The following TMEM268 variants were observed in gnomAD, a reference collection of about 807,000 sequenced individuals.
TMEM268 encodes transmembrane protein 268, also known as transmembrane protein C9orf91.
In TMEM268, 24 loss-of-function variants were observed where a neutral mutation model predicts 39.1. The observed-to-expected ratio is 0.61, with a 90% CI of 0.44 to 0.86. TMEM268 has a LOEUF of 0.86. TMEM268 is among the 40% of genes least tolerant of loss of function. The probability of loss-of-function intolerance (pLI) is 0.00; values close to 1 mark genes in which losing one functional copy is unlikely to be tolerated. For missense variants in TMEM268, 409 were observed against 428.6 expected (o/e 0.95, Z 0.40); for synonymous variants, 176 against 173.5 (o/e 1.01, Z -0.12).
upstream of TMEM268, among the ~76,000 whole-genome samples, chr9:114,609,333 AAACAAACAAAC>A (rs1420646979): frequency 6.6e-6 from 1 of 150,928 alleles, no homozygotes; most frequent in Non-Finnish European, 1.5e-5. Flanking sequence ...ACAAACAAAC[AAACAAACAAAC>A]AAGCATGTAC....
chr9:114,638,818 C>A, intron 8 of TMEM268, 92 bp downstream of exon 8: 1 of 966,028 alleles, frequency 1.0e-6, no homozygotes, highest in Non-Finnish European at 1.4e-6. Context: ...TTCCCCAAGA[C>A]ATGCTTCTCT....
intron 2 of TMEM268, among the ~76,000 whole-genome samples, chr9:114,623,785 A>G (rs1353236817): frequency 6.6e-6 from 1 of 152,062 alleles, no homozygotes; most frequent in Non-Finnish European, 1.5e-5. Context: ...AGGCCAGCTA[A>G]TGAGCCCCCT....
At chr9:114,632,290 C>G (rs1846436095) in intron 5 of TMEM268, among the ~76,000 whole-genome samples, 1 of 152,148 alleles carries the variant, frequency 6.6e-6, no homozygotes, top group African/African-American at 2.4e-5. Flanking sequence ...CAGTGGAAGG[C>G]ATGGGTTCAG....
At chr9:114,617,332 CT>C (rs1267485670) in intron 2 of TMEM268, 31 bp downstream of exon 2, 8 of 1,523,826 alleles carry the variant, frequency 5.2e-6, no homozygotes, top group Non-Finnish European at 6.3e-6. Context: ...TTTCCACCTT[CT>C]TTCTACCTCA....
intron 5 of TMEM268, among the ~76,000 whole-genome samples, chr9:114,632,084 C>T (rs960939109): frequency 2.3e-5 from 3 of 129,968 alleles, no homozygotes; most frequent in South Asian, 2.4e-4. Flanking sequence ...GGTGACAGAG[C>T]GAGACTAGGT....
upstream of TMEM268, among the ~76,000 whole-genome samples, chr9:114,610,053 T>G (rs907764539): frequency 6.6e-6 from 1 of 152,086 alleles, no homozygotes; most frequent in Non-Finnish European, 1.5e-5. Flanking sequence ...TTTTTTTTTT[T>G]TTTGAGATGG....
chr9:114,604,903 G>A, the TMEM268 span, among the ~76,000 whole-genome samples: 2 of 152,190 alleles, frequency 1.3e-5, no homozygotes, highest in Non-Finnish European at 2.9e-5. Flanking sequence ...ATGTCACAGA[G>A]CAAGGAAGTG....
chr9:114,615,338 G>A (rs1024785862), intron 1 of TMEM268: 1 of 152,224 alleles, frequency 6.6e-6, no homozygotes, highest in Non-Finnish European at 1.5e-5. Flanking sequence ...GATCCTTTGC[G>A]GCAACCCTGT....
chr9:114,637,085 G>C lies in TMEM268; in HGVS notation c.666+15G>C. On this transcript the variant is annotated intron_variant, in intron 7 of 8. Transcript: ENST00000288502. Reference sequence around the variant, plus strand: ...CTAGCCAAGAGGTAAGATATCTTCAGTGAAAAAACAAAACAAAAACCAGGA... The same window carrying C: ...CTAGCCAAGAGGTAAGATATCTTCACTGAAAAAACAAAACAAAAACCAGGA... The C allele has an allele frequency of 1.9e-6, 3 of 1,564,496 alleles. No homozygotes were observed. Among genetic ancestry groups the C allele is most frequent in the Non-Finnish European group, 2.6e-6 (3 of 1,136,366 alleles).
chr9:114,606,125 T>C, the TMEM268 span, among the ~76,000 whole-genome samples: 1 of 152,066 alleles, frequency 6.6e-6, no homozygotes, highest in South Asian at 2.1e-4. Flanking sequence ...AAAAGCCCAA[T>C]TGCCTTCAAC....
the TMEM268 span, among the ~76,000 whole-genome samples, chr9:114,605,744 A>T: frequency 6.6e-6 from 1 of 152,066 alleles, no homozygotes; most frequent in Non-Finnish European, 1.5e-5. Flanking sequence ...AACAGGGGGA[A>T]ACCCTGTCTC....
At chr9:114,609,343 A>G (rs1845407836), upstream of TMEM268, among the ~76,000 whole-genome samples, 2 of 138,452 alleles carry the variant, frequency 1.4e-5, no homozygotes, top group South Asian at 4.5e-4. Flanking sequence ...AAACAAACAA[A>G]CAAGCATGTA....
At chr9:114,638,322 A>C (rs1024081501) in intron 7 of TMEM268, among the ~76,000 whole-genome samples, 1 of 152,222 alleles carries the variant, frequency 6.6e-6, no homozygotes, top group Non-Finnish European at 1.5e-5. Context: ...GATTACAGGC[A>C]TGAGCCACCA....
chr9:114,616,075 G>A (rs923697017), intron 1 of TMEM268, among the ~76,000 whole-genome samples: 3 of 147,692 alleles, frequency 2.0e-5, no homozygotes, highest in African/African-American at 7.5e-5. Context: ...GAGTGCAGTG[G>A]CGCGATCTCT....
intron 8 of TMEM268, among the ~76,000 whole-genome samples, chr9:114,642,902 G>A (rs1482170750): frequency 3.3e-5 from 5 of 152,090 alleles, no homozygotes; most frequent in Admixed American, 1.3e-4. Context: ...CCTTGGCAAC[G>A]AGGACATTGA....
intron 1 of TMEM268, among the ~76,000 whole-genome samples, chr9:114,613,198 C>G (rs1256604509): frequency 6.6e-6 from 1 of 152,202 alleles, no homozygotes; most frequent in Non-Finnish European, 1.5e-5. Flanking sequence ...ATAAAGCCTG[C>G]TGATTAGTAC....
At chr9:114,643,008 C>T (rs1279740961) in intron 8 of TMEM268, 126 bp from the exon 9 acceptor site, 2 of 960,758 alleles carry the variant, frequency 2.1e-6, no homozygotes, top group African/African-American at 3.3e-5. Flanking sequence ...TGGCCTGGTT[C>T]TTCCTAGAGA....
rs1846569582 is a variant in TMEM268 at position 114,635,034 on chromosome 9, CG to C, written c.585+1158del. Among the ~76,000 whole-genome samples, 3 of 152,102 alleles carry C rather than the reference CG, an allele frequency of 2.0e-5. No homozygotes were observed. The South Asian group carries it at 6.2e-4, about 32-fold the overall frequency. ...GCTTGACATGTGTTAGATGAATGCACGGATGGATAGATGACTAAAGAATGGG... is the reference window on the plus strand; with the variant it reads ...GCTTGACATGTGTTAGATGAATGCACGATGGATAGATGACTAAAGAATGGG... On this transcript the variant is annotated intron_variant, in intron 6 of 8. Transcript: ENST00000288502.
the TMEM268 span, among the ~76,000 whole-genome samples, chr9:114,604,380 C>T: frequency 2.2e-3 from 73 of 33,200 alleles, no homozygotes; most frequent in African/African-American, 8.8e-3. Context: ...GAGTTCGAGA[C>T]GAGCCTGGCC....
Sources: gnomAD v4.1 joint callset for allele counts (sites outside exome capture counted in the v4.1 genomes callset) on GRCh38, gnomAD v4.1.1 for gene constraint, MANE v1.5 for transcripts, NCBI Gene and HGNC (gene_info 2026-07-23, HGNC 2026-07-21) for gene names.